USP34: variants seen among roughly 807,000 people sequenced by gnomAD.
USP34 encodes ubiquitin specific peptidase 34.
A neutral mutation model predicts 460.3 loss-of-function variants in USP34; 70 were observed. The observed-to-expected ratio is 0.15, with a 90% CI of 0.13 to 0.19. The LOEUF is 0.19. Among genes scored for constraint, USP34 ranks in the 10% least tolerant of loss-of-function variants. The probability of loss-of-function intolerance (pLI) is 1.00; values close to 1 mark genes in which losing one functional copy is unlikely to be tolerated. For missense variants in USP34, 3,985 were observed against 4,236.2 expected (o/e 0.94, Z 1.65); for synonymous variants, 1,647 against 1,405.3 (o/e 1.17, Z -3.85).
intron 8 of USP34, among the ~76,000 whole-genome samples, chr2:61,372,453 G>C (rs984968816): frequency 6.6e-6 from 1 of 152,092 alleles, no homozygotes; most frequent in Admixed American, 6.5e-5. Flanking sequence ...ACCCAGGCTG[G>C]TGCTGTGGTT....
Position 61,214,008 on chromosome 2 carries a change from GTATTTCCA to G in USP34, c.8682+44_8682+51del, listed in dbSNP as rs1159146778. 5 of 1,600,592 alleles carry G rather than the reference GTATTTCCA, an allele frequency of 3.1e-6. No homozygotes were observed. In the African/African-American group the frequency reaches 6.7e-5, roughly 21 times the overall value. On this transcript the variant is annotated intron_variant, in intron 68 of 79. Transcript: ENST00000398571. ...CCACTTCCCACCAGGGGAAAAACAG[GTATTTCCA>G]ATCTATTTGAGGATACAGATAAAAG...
At chr2:61,377,209 T>A (rs1692824289) in intron 8 of USP34, among the ~76,000 whole-genome samples, 1 of 152,160 alleles carries the variant, frequency 6.6e-6, no homozygotes, top group Admixed American at 6.6e-5. Context: ...AGTCTCTGGT[T>A]TCCAAATTCA....
Position 61,383,307 on chromosome 2 carries a change from G to A in USP34, c.783C>T (p.Val261=), listed in dbSNP as rs566954176. 1.9e-6 allele frequency: 3 copies of A among 1,605,064 alleles called. No individual in the cohort carries two copies. The highest frequency in any genetic ancestry group is 2.2e-5 in the East Asian group (1 of 44,750). The change falls in exon 6 of 80, where the codon GTC becomes GTT. Residue 261 remains valine (V), a synonymous_variant. Transcript: ENST00000398571. ...TCCTAAAAGGTATAATGTGCTGCAT[G>A]ACAGCGGGAATATGTAGCCATATTC... The part of the protein sequence containing the change: ...NIRIWLHIPA[V]MQHIIPFRTY...
At chr2:61,263,949 TCTA>T (rs1476608884) in intron 43 of USP34, among the ~76,000 whole-genome samples, 1 of 152,202 alleles carries the variant, frequency 6.6e-6, no homozygotes, top group Admixed American at 6.5e-5. Flanking sequence ...TCCTTCTGTT[TCTA>T]CTAATTCCTA....
At chr2:61,295,143 A>G (rs1312538071) in intron 31 of USP34, 25 bp downstream of exon 31, 1 of 1,601,082 alleles carries the variant, frequency 6.2e-7, no homozygotes, top group East Asian at 2.2e-5. Context: ...CAAACATTTA[A>G]TGATAATAAT....
chr2:61,298,307 G>T (rs371700814), intron 29 of USP34, among the ~76,000 whole-genome samples: 1 of 139,634 alleles, frequency 7.2e-6, no homozygotes, highest in Non-Finnish European at 1.5e-5. Flanking sequence ...GGATCACAAG[G>T]TCAGGAGATC....
intron 47 of USP34, 94 bp from the exon 48 acceptor site, chr2:61,256,572 G>A: frequency 9.9e-7 from 1 of 1,006,516 alleles, no homozygotes; most frequent in African/African-American, 1.7e-5. Flanking sequence ...AGAATGCTCA[G>A]CAAAAAAATT....
chr2:61,241,294 G>A (rs1341391646), intron 53 of USP34, among the ~76,000 whole-genome samples: 1 of 151,700 alleles, frequency 6.6e-6, no homozygotes, highest in Non-Finnish European at 1.5e-5. Flanking sequence ...TACCCACCTC[G>A]GCCTCCCAAA....
intron 79 of USP34, 57 bp from the exon 80 acceptor site, chr2:61,188,766 G>C (rs905925762): frequency 6.3e-7 from 1 of 1,578,376 alleles, no homozygotes; most frequent in Non-Finnish European, 8.6e-7. Context: ...GATCACGTTA[G>C]GGGGGGATGT....
chr2:61,330,040 A>G (rs922580651), intron 20 of USP34, among the ~76,000 whole-genome samples: 10 of 152,196 alleles, frequency 6.6e-5, no homozygotes, highest in Non-Finnish European at 2.9e-5. Flanking sequence ...GGAAATGTCA[A>G]CTTGTGAAAA....
At chr2:61,292,624 A>T (rs1468462975) in intron 33 of USP34, among the ~76,000 whole-genome samples, 1 of 152,132 alleles carries the variant, frequency 6.6e-6, no homozygotes, top group Non-Finnish European at 1.5e-5. Flanking sequence ...AAATCATTAT[A>T]CCTGACTCCT....
intron 1 of USP34, among the ~76,000 whole-genome samples, chr2:61,456,729 G>A (rs932530071): frequency 6.6e-6 from 1 of 152,126 alleles, no homozygotes; most frequent in Non-Finnish European, 1.5e-5. Context: ...GAGGCAGGAG[G>A]ATAGTTTGAG....
chr2:61,383,854 T>C (rs1355690643), intron 5 of USP34, among the ~76,000 whole-genome samples: 2 of 152,204 alleles, frequency 1.3e-5, no homozygotes, highest in East Asian at 3.8e-4. Flanking sequence ...CTATATATTA[T>C]ATATCTTATT....
rs777198420 is a variant in USP34 at position 61,314,752 on chromosome 2, C to G, written c.3383-8G>C. On this transcript the variant is annotated splice_region_variant and splice_polypyrimidine_tract_variant and intron_variant, in intron 24 of 79. Transcript: ENST00000398571. ...TCTCCAAACCTGTTTTACCTGAAAGCCAAATGTTTAGACACATATATTAGC... is the reference window on the plus strand; with the variant it reads ...TCTCCAAACCTGTTTTACCTGAAAGGCAAATGTTTAGACACATATATTAGC... 7 of 1,574,260 alleles carry G rather than the reference C, an allele frequency of 4.4e-6. No individual in the cohort carries two copies. In the South Asian group the frequency reaches 7.2e-5, roughly 16 times the overall value.
At chr2:61,442,483 A>G (rs1263961343) in intron 1 of USP34, among the ~76,000 whole-genome samples, 20 of 152,132 alleles carry the variant, frequency 1.3e-4, no homozygotes, top group Non-Finnish European at 2.9e-4. Flanking sequence ...GATTATATAC[A>G]AATGGCCAAC....
At chr2:61,434,178 C>T (rs536625151) in intron 1 of USP34, among the ~76,000 whole-genome samples, 21 of 152,206 alleles carry the variant, frequency 1.4e-4, no homozygotes, top group South Asian at 2.1e-4. Context: ...AGCACCTCTG[C>T]CCCATGTAGA....
At chr2:61,414,975 C>T (rs1448156627) in intron 2 of USP34, among the ~76,000 whole-genome samples, 1 of 152,132 alleles carries the variant, frequency 6.6e-6, no homozygotes. Context: ...TGATTAGTTG[C>T]AGGAGGGGAC....
At chr2:61,349,415 C>T in intron 12 of USP34, 130 bp from the exon 13 acceptor site, 1 of 838,154 alleles carries the variant, frequency 1.2e-6, no homozygotes, top group East Asian at 2.8e-5. Context: ...GGTTAAGTCC[C>T]CACCACCTAC....
chr2:61,208,956 T>G lies in USP34; in HGVS notation c.8862A>C (p.Glu2954Asp). The change falls in exon 70 of 80, where the codon GAA becomes GAC. Residue 2954 changes from glutamate to aspartate, a missense_variant. By Grantham distance (45) the Glu-to-Asp change is conservative. Around this residue, in one of 14 missense-constraint regions of USP34, gnomAD observed 275 missense variants for 292.7 expected, o/e 0.94. Coordinates refer to ENST00000398571, the MANE Select transcript of USP34 (RefSeq NM_014709.4). ...TLISAFRILL[E>D]SDEDRLLVVF... ...CAACAAGAAGTCTGTCTTCATCAGATTCTAATAGTATTCTGAAGGCACTAG... is the reference window on the plus strand; with the variant it reads ...CAACAAGAAGTCTGTCTTCATCAGAGTCTAATAGTATTCTGAAGGCACTAG... 6.3e-7 allele frequency: 1 copy of G among 1,594,040 alleles called. No homozygotes were observed. The highest frequency in any genetic ancestry group is 8.5e-7 in the Non-Finnish European group (1 of 1,170,554).
Sources: allele counts gnomAD v4.1 joint callset (sites outside exome capture counted in the v4.1 genomes callset), GRCh38; gene constraint gnomAD v4.1.1; regional missense constraint gnomAD v4.1.1; transcripts MANE v1.5; gene names NCBI Gene and HGNC (gene_info 2026-07-23, HGNC 2026-07-21).